LINGO2: variants seen among roughly 807,000 people sequenced by gnomAD.
The protein encoded by LINGO2 is leucine-rich repeat and immunoglobulin-like domain-containing nogo receptor-interacting protein 2.
LINGO2 carries 14 observed loss-of-function variants against 30.6 expected under a neutral mutation model. The ratio of observed to expected loss-of-function variants is 0.46; its 90% CI spans 0.30 to 0.72. The LOEUF (loss-of-function observed/expected upper bound fraction) is 0.72, where lower values mean the gene tolerates loss of function less well. Among genes scored for constraint, LINGO2 ranks in the 30% least tolerant of loss-of-function variants. The pLI, the probability that LINGO2 is intolerant of heterozygous loss-of-function variation, is 0.07. For missense variants in LINGO2, 729 were observed against 751.7 expected, an observed-to-expected ratio of 0.97 and a Z score of 0.35; for synonymous variants, 317 against 288.5, an observed-to-expected ratio of 1.10 and a Z score of -1.00.
chr9:28,208,691 C>T (rs1820492568), intron 4 of LINGO2, among the ~76,000 whole-genome samples: 1 of 151,992 alleles, frequency 6.6e-6, no homozygotes. Context: ...AGGCCTTTAA[C>T]TGCTTCTTAT....
At chr9:29,003,666 G>A in the LINGO2 span, among the ~76,000 whole-genome samples, 2 of 151,836 alleles carry the variant, frequency 1.3e-5, no homozygotes, top group Non-Finnish European at 1.5e-5. Flanking sequence ...AATACTATAC[G>A]GTCTTAATGA....
At chr9:29,158,330 A>C in the LINGO2 span, among the ~76,000 whole-genome samples, 4 of 152,062 alleles carry the variant, frequency 2.6e-5, no homozygotes, top group African/African-American at 9.7e-5. Flanking sequence ...CACTCCAGCC[A>C]GGGTGACAGA....
In LINGO2 at chr9:28,594,230, C is replaced by CT. The variant is rs199713477; in HGVS notation, c.-365+75969dup. ...AAGGTTCTCTCTACATAGGAAAGCA[C>CT]TTTTTCTTCTGTGGTCTTTGCTAAG... On this transcript the variant is annotated intron_variant, in intron 1 of 5. Coordinates refer to ENST00000379992, the Ensembl canonical transcript of LINGO2. Among the ~76,000 whole-genome samples, 895 of 152,140 alleles carry CT rather than the reference C, an allele frequency of 5.9e-3. 11 individuals carry two copies. The highest frequency in any genetic ancestry group is 0.021 in the African/African-American group (862 of 41,538).
At chr9:28,944,767 GA>G in the LINGO2 span, among the ~76,000 whole-genome samples, 1 of 151,598 alleles carries the variant, frequency 6.6e-6, no homozygotes, top group Non-Finnish European at 1.5e-5. Flanking sequence ...ACTAATAATT[GA>G]TTTAAATGAA....
chr9:28,037,419 C>T (rs1174645093), intron 4 of LINGO2, among the ~76,000 whole-genome samples: 2 of 152,094 alleles, frequency 1.3e-5, no homozygotes, highest in African/African-American at 4.8e-5. Flanking sequence ...TGCTCGTTTT[C>T]CTGTTGGGCT....
intron 4 of LINGO2, among the ~76,000 whole-genome samples, chr9:28,092,195 G>A (rs1826111532): frequency 6.6e-6 from 1 of 152,024 alleles, no homozygotes; most frequent in African/African-American, 2.4e-5. Flanking sequence ...CCCATTACTG[G>A]GTATATACCC....
At chr9:28,180,654 A>G (rs1828886030) in intron 4 of LINGO2, among the ~76,000 whole-genome samples, 1 of 152,202 alleles carries the variant, frequency 6.6e-6, no homozygotes, top group South Asian at 2.1e-4. Context: ...AAAACAATAT[A>G]GTTCAAAAGA....
At chr9:28,765,089 C>A in the LINGO2 span, among the ~76,000 whole-genome samples, 3 of 151,846 alleles carry the variant, frequency 2.0e-5, no homozygotes, top group Non-Finnish European at 4.4e-5. Flanking sequence ...TCTACAAATT[C>A]TATGCAATCC....
At chr9:29,128,879 A>G in the LINGO2 span, among the ~76,000 whole-genome samples, 2 of 152,282 alleles carry the variant, frequency 1.3e-5, no homozygotes, top group East Asian at 3.9e-4. Context: ...AAGAGCACTC[A>G]ATAAGTAAAT....
chr9:29,178,095 G>A, the LINGO2 span, among the ~76,000 whole-genome samples: 1 of 148,870 alleles, frequency 6.7e-6, no homozygotes, highest in African/African-American at 2.5e-5. Flanking sequence ...CACTCTTGTT[G>A]CCCAGACTAG....
rs73443374 is a variant in LINGO2 at position 28,629,840 on chromosome 9, G to T, written c.-365+40360C>A. Among the ~76,000 whole-genome samples the T allele has an allele frequency of 1.7e-3, 255 of 151,502 alleles. 1 individual carries two copies. The highest frequency in any genetic ancestry group is 5.7e-3 in the African/African-American group (237 of 41,278). ...AAGAAGTATGAAAAAATGCATGAGGGTCAGAATTGACATGACATTTTCTAC... is the reference window on the plus strand; with the variant it reads ...AAGAAGTATGAAAAAATGCATGAGGTTCAGAATTGACATGACATTTTCTAC... On this transcript the variant is annotated intron_variant, in intron 1 of 5. Transcript: ENST00000379992.
chr9:28,769,171 T>C, the LINGO2 span, among the ~76,000 whole-genome samples: 2 of 151,728 alleles, frequency 1.3e-5, no homozygotes, highest in Non-Finnish European at 1.5e-5. Context: ...TAGCCATAAG[T>C]ATATATTCAC....
the LINGO2 span, among the ~76,000 whole-genome samples, chr9:29,021,600 T>G: frequency 6.6e-6 from 1 of 151,452 alleles, no homozygotes; most frequent in Non-Finnish European, 1.5e-5. Flanking sequence ...GAGGTTGCAG[T>G]GAGCGGAAAT....
At chr9:28,809,118 T>C in the LINGO2 span, among the ~76,000 whole-genome samples, 2 of 152,240 alleles carry the variant, frequency 1.3e-5, no homozygotes, top group East Asian at 3.9e-4. Flanking sequence ...TAATAATCTT[T>C]TTAAACAAAA....
At chr9:29,169,081 G>T in the LINGO2 span, among the ~76,000 whole-genome samples, 43 of 151,992 alleles carry the variant, frequency 2.8e-4, no homozygotes, top group African/African-American at 1.0e-3. Context: ...CTGAGTAGCT[G>T]GGATTACAGG....
At chr9:28,359,768 A>T (rs1587538389) in intron 3 of LINGO2, among the ~76,000 whole-genome samples, 1 of 152,184 alleles carries the variant, frequency 6.6e-6, no homozygotes, top group East Asian at 1.9e-4. Context: ...GCAGTGGCTG[A>T]CTGCTTAATG....
the LINGO2 span, among the ~76,000 whole-genome samples, chr9:28,845,727 G>T: frequency 3.1e-4 from 47 of 151,710 alleles, 1 homozygote; most frequent in African/African-American, 1.1e-3. Flanking sequence ...ATGTTAGAGT[G>T]TGAGAAATAA....
chr9:28,019,254 T>C (rs148689056), intron 4 of LINGO2, among the ~76,000 whole-genome samples: 1 of 150,512 alleles, frequency 6.6e-6, no homozygotes, highest in Non-Finnish European at 1.5e-5. Flanking sequence ...GCTACACATA[T>C]ACTGCTGAAC....
chr9:28,093,523 A>T (rs772619771), intron 4 of LINGO2, among the ~76,000 whole-genome samples: 3 of 152,134 alleles, frequency 2.0e-5, no homozygotes, highest in Admixed American at 6.6e-5. Flanking sequence ...TACTCACTAA[A>T]CATTAGTTTT....
Sources: gnomAD v4.1 joint callset for allele counts (sites outside exome capture counted in the v4.1 genomes callset) on GRCh38, gnomAD v4.1.1 for gene constraint, MANE v1.5 for transcripts, NCBI Gene and HGNC (gene_info 2026-07-23, HGNC 2026-07-21) for gene names.